MYOF: variants seen among roughly 807,000 people sequenced by gnomAD.
MYOF encodes myoferlin.
In MYOF, 244 loss-of-function variants were observed where a neutral mutation model predicts 284.2. The ratio of observed to expected loss-of-function variants is 0.86; its 90% confidence interval spans 0.77 to 0.95. MYOF has a LOEUF of 0.95. Ranked by LOEUF, MYOF falls within the 40% of genes least tolerant of loss-of-function variation. MYOF has a pLI of 0.00. For missense variants in MYOF, 2,496 were observed against 2,560.6 expected (o/e 0.97, Z 0.54); for synonymous variants, 904 against 919.7 (o/e 0.98, Z 0.31).
intron 3 of MYOF, among the ~76,000 whole-genome samples, chr10:93,441,087 C>G (rs1229959983): frequency 6.6e-6 from 1 of 152,164 alleles, no homozygotes; most frequent in Non-Finnish European, 1.5e-5. Flanking sequence ...GCCTGAGAAG[C>G]TACTCCAGTG....
intron 1 of MYOF, among the ~76,000 whole-genome samples, chr10:93,465,513 C>A (rs144201708): frequency 7.9e-6 from 1 of 127,224 alleles, no homozygotes; most frequent in Non-Finnish European, 1.7e-5. Context: ...TTTTTCTTTT[C>A]TTTTTTCTTT....
In MYOF at chr10:93,320,650, A is replaced by G. The variant is rs1431331496; in HGVS notation, c.5457-637T>C. ...GTTTTCTTCTGCTTGTGCCTGGCACATAGTAGACACTAGATAAATACCTAC... is the reference window on the plus strand; with the variant it reads ...GTTTTCTTCTGCTTGTGCCTGGCACGTAGTAGACACTAGATAAATACCTAC... On this transcript the variant is annotated intron_variant, in intron 48 of 53. Transcript: ENST00000359263. Among the ~76,000 whole-genome samples the G allele has an allele frequency of 2.6e-5, 4 of 152,270 alleles. No homozygotes were observed. In the East Asian group the frequency reaches 7.7e-4, roughly 29 times the overall value.
intron 4 of MYOF, among the ~76,000 whole-genome samples, chr10:93,430,996 G>A (rs904615963): frequency 1.3e-4 from 20 of 148,196 alleles, no homozygotes; most frequent in Non-Finnish European, 2.2e-4. Flanking sequence ...TTACCAATTG[G>A]TTCTGACAAT....
chr10:93,423,455 G>T (rs1351229064), intron 5 of MYOF, among the ~76,000 whole-genome samples: 2 of 148,394 alleles, frequency 1.3e-5, no homozygotes, highest in Non-Finnish European at 3.0e-5. Flanking sequence ...TGAACCTAGG[G>T]GCAGAGGTTG....
At chr10:93,369,189 T>C (rs371259750) in intron 25 of MYOF, among the ~76,000 whole-genome samples, 3 of 137,108 alleles carry the variant, frequency 2.2e-5, no homozygotes, top group East Asian at 2.4e-4. Flanking sequence ...TCTTCAGGGG[T>C]TTTAAGACAC....
At chr10:93,478,834 A>AGAAGG in intron 1 of MYOF, among the ~76,000 whole-genome samples, 1 of 98,116 alleles carries the variant, frequency 1.0e-5, no homozygotes, top group Middle Eastern at 4.9e-3. Context: ...TCAAAAAAAA[A>AGAAGG]AAAAAAAAAG....
At chr10:93,397,171 A>G (rs1408117558) in intron 15 of MYOF, 76 bp downstream of exon 15, 1 of 1,277,952 alleles carries the variant, frequency 7.8e-7, no homozygotes, top group Admixed American at 2.1e-5. Flanking sequence ...CCAGAAAGAG[A>G]CAATCCAGAG....
In MYOF at chr10:93,326,844, C is replaced by T. The variant is rs879169872; in HGVS notation, c.5132-879G>A. ...TTCACTATGTTGGCCAGGCTGGTGTCGAACTCCTGGGCTCAGGCGATCTGC... is the reference window on the plus strand; with the variant it reads ...TTCACTATGTTGGCCAGGCTGGTGTTGAACTCCTGGGCTCAGGCGATCTGC... On this transcript the variant is annotated intron_variant, in intron 45 of 53. Transcript: ENST00000359263. 7.9e-5 allele frequency among the ~76,000 whole-genome samples: 12 copies of T among 152,092 alleles called. 1 individual carries two copies. In the South Asian group the frequency reaches 8.3e-4, roughly 11 times the overall value.
chr10:93,340,841 G>A (rs756286632), intron 38 of MYOF, among the ~76,000 whole-genome samples: 3 of 152,118 alleles, frequency 2.0e-5, no homozygotes, highest in Non-Finnish European at 4.4e-5. Context: ...AGGGGGGCTT[G>A]AATGTGGTTC....
chr10:93,432,647 G>A (rs181693906), intron 3 of MYOF, among the ~76,000 whole-genome samples: 65 of 152,294 alleles, frequency 4.3e-4, no homozygotes, highest in African/African-American at 1.3e-3. Flanking sequence ...GCATTCAAAC[G>A]TTCAGTGTGT....
At chr10:93,463,392 A>AG (rs2056928292) in intron 1 of MYOF, among the ~76,000 whole-genome samples, 2 of 15,368 alleles carry the variant, frequency 1.3e-4, no homozygotes, top group Non-Finnish European at 2.4e-4. Flanking sequence ...TCGTCTCTAC[A>AG]AATTTTTTTT....
intron 19 of MYOF, among the ~76,000 whole-genome samples, chr10:93,384,073 C>T (rs1408065929): frequency 6.6e-6 from 1 of 152,206 alleles, no homozygotes; most frequent in South Asian, 2.1e-4. Flanking sequence ...AGAGAAGGGA[C>T]TCACTATGAG....
At chr10:93,404,730 C>A (rs193171096) in intron 7 of MYOF, among the ~76,000 whole-genome samples, 2 of 151,826 alleles carry the variant, frequency 1.3e-5, no homozygotes, top group East Asian at 1.9e-4. Context: ...GCTGGCATGA[C>A]CTGGAGTGTG....
intron 51 of MYOF, among the ~76,000 whole-genome samples, chr10:93,311,735 C>T (rs1054531037): frequency 1.3e-5 from 2 of 152,178 alleles, no homozygotes; most frequent in Non-Finnish European, 2.9e-5. Context: ...CTGAGTAGAG[C>T]CCTGATGACC....
chr10:93,375,114 G>C (rs1845775473), intron 22 of MYOF, among the ~76,000 whole-genome samples, 159 bp from the exon 23 acceptor site: 1 of 152,206 alleles, frequency 6.6e-6, no homozygotes, highest in Non-Finnish European at 1.5e-5. Context: ...CTGGAGTAGA[G>C]TGTATCTGGC....
At chr10:93,436,648 C>CTCTG (rs1467192855) in intron 3 of MYOF, among the ~76,000 whole-genome samples, 1 of 152,102 alleles carries the variant, frequency 6.6e-6, no homozygotes, top group Non-Finnish European at 1.5e-5. Context: ...TAAGTCTGAG[C>CTCTG]TCTGCAGTGA....
intron 32 of MYOF, among the ~76,000 whole-genome samples, chr10:93,352,712 C>T (rs1844579343): frequency 6.6e-6 from 1 of 152,190 alleles, no homozygotes; most frequent in African/African-American, 2.4e-5. Context: ...GAACCCTTTG[C>T]TTTTGCCCTG....
intron 3 of MYOF, among the ~76,000 whole-genome samples, chr10:93,434,330 G>A (rs1025307349): frequency 6.6e-6 from 1 of 151,842 alleles, no homozygotes; most frequent in African/African-American, 2.4e-5. Context: ...TACTTGGGAG[G>A]CTGAGGCAGG....
At chr10:93,471,406 A>G (rs1176702166) in intron 1 of MYOF, among the ~76,000 whole-genome samples, 2 of 151,920 alleles carry the variant, frequency 1.3e-5, no homozygotes, top group African/African-American at 2.4e-5. Context: ...AAACAACTCA[A>G]TCTGTTCAGA....
Sources: gnomAD v4.1 joint callset for allele counts (sites outside exome capture counted in the v4.1 genomes callset) on GRCh38, gnomAD v4.1.1 for gene constraint, MANE v1.5 for transcripts, NCBI Gene and HGNC (gene_info 2026-07-23, HGNC 2026-07-21) for gene names.